Variants in TRPM3 observed in about 807,000 individuals in gnomAD.
The protein encoded by TRPM3 is long transient receptor potential channel 3.
A neutral mutation model predicts 181.2 loss-of-function variants in TRPM3; 77 were observed. The ratio of observed to expected loss-of-function variants is 0.42; its 90% CI spans 0.35 to 0.51. The LOEUF is 0.51. TRPM3 is among the 20% of genes least tolerant of loss of function. TRPM3 has a pLI of 0.01. For missense variants in TRPM3, 1,759 were observed against 2,196.7 expected (o/e 0.80, Z 3.98); for synonymous variants, 745 against 796.4 (o/e 0.94, Z 1.09).
At chr9:70,654,386 C>A (rs2059990756) in intron 9 of TRPM3, among the ~76,000 whole-genome samples, 1 of 151,924 alleles carries the variant, frequency 6.6e-6, no homozygotes, top group Admixed American at 6.6e-5. Context: ...AAATCCCCAA[C>A]AAAAAGTTAT....
At chr9:71,125,563 A>G (rs1455617113), upstream of TRPM3, among the ~76,000 whole-genome samples, 1 of 152,168 alleles carries the variant, frequency 6.6e-6, no homozygotes, top group Admixed American at 6.5e-5. Context: ...TCCATGGTGT[A>G]TATGTAGCAC....
chr9:70,621,296 C>T, intron 14 of TRPM3, 23 bp from the exon 15 acceptor site: 1 of 1,593,312 alleles, frequency 6.3e-7, no homozygotes, highest in Non-Finnish European at 8.6e-7. Context: ...ACGTTGTGAA[C>T]AAAGTTAGAT....
intron 1 of TRPM3, among the ~76,000 whole-genome samples, chr9:71,097,479 A>G (rs551720862): frequency 6.3e-4 from 96 of 152,188 alleles, no homozygotes; most frequent in Admixed American, 1.7e-3. Context: ...TACATTTTTT[A>G]GTTTAAAGGT....
intron 1 of TRPM3, among the ~76,000 whole-genome samples, chr9:71,308,425 A>G (rs1024050582): frequency 6.6e-6 from 1 of 152,186 alleles, no homozygotes; most frequent in Non-Finnish European, 1.5e-5. Context: ...TTAAACATCA[A>G]TTTGTGATTA....
chr9:70,905,820 GT>G (rs2096456920), intron 1 of TRPM3, among the ~76,000 whole-genome samples: 1 of 151,680 alleles, frequency 6.6e-6, no homozygotes, highest in Non-Finnish European at 1.5e-5. Context: ...GCAGCTCACT[GT>G]TTGCCTCAAC....
At chr9:71,271,519 T>C (rs918545140) in intron 1 of TRPM3, among the ~76,000 whole-genome samples, 1 of 151,950 alleles carries the variant, frequency 6.6e-6, no homozygotes, top group African/African-American at 2.4e-5. Flanking sequence ...TCTCAACCTG[T>C]GTGGTGGCTC....
chr9:70,933,191 T>A (rs1413007726), intron 1 of TRPM3, among the ~76,000 whole-genome samples: 1 of 152,058 alleles, frequency 6.6e-6, no homozygotes, highest in African/African-American at 2.4e-5. Context: ...GATATTAAGG[T>A]AGAGATATCT....
rs117207721 is a variant in TRPM3, at chr9:71,276,217, G to A, written c.183+170436C>T. 8.2e-3 allele frequency among the ~76,000 whole-genome samples: 1,245 copies of A among 152,166 alleles called. 8 individuals are homozygous for A. The highest frequency in any genetic ancestry group is 0.011 in the Non-Finnish European group (743 of 68,006). ...GTGGCAAAAAATCCCTTCGTCAACC[G>A]TACACACAAATCAATTCTTGATGAA... On this transcript the variant is annotated intron_variant, in intron 1 of 24. Coordinates refer to the TRPM3 transcript ENST00000357533.
At chr9:70,934,965 C>T (rs953328086) in intron 1 of TRPM3, among the ~76,000 whole-genome samples, 5 of 152,136 alleles carry the variant, frequency 3.3e-5, no homozygotes, top group Admixed American at 2.6e-4. Flanking sequence ...TCTAGAGGGC[C>T]TTTTCCATAG....
chr9:71,071,800 G>C (rs1409698164), intron 1 of TRPM3, among the ~76,000 whole-genome samples: 1 of 152,152 alleles, frequency 6.6e-6, no homozygotes, highest in African/African-American at 2.4e-5. Context: ...AATGTAAGTG[G>C]AGATACTAAT....
rs2063203658 is a variant in TRPM3 at position 70,618,986 on chromosome 9, A to C, written c.2239T>G (p.Cys747Gly). The change falls in exon 17 of 26, where the codon TGC becomes GGC. Residue 747 changes from cysteine to glycine, a missense_variant. By Grantham distance (159) the Cys-to-Gly change is radical (BLOSUM62 -3). Coordinates refer to ENST00000677713, the MANE Select transcript of TRPM3 (RefSeq NM_001366145.2). ...YELKNWSNATCLQLAVAAKHR... is the reference protein window; with the variant it reads ...YELKNWSNATGLQLAVAAKHR... ...TTGGCAGCCACGGCAAGCTGCAGGC[A>C]CGTGGCGTTGCTCCAGTTCTTCAGC... The C allele has an allele frequency of 6.2e-7, 1 of 1,614,092 alleles. No homozygotes were observed. The highest frequency in any genetic ancestry group is 8.5e-7 in the Non-Finnish European group (1 of 1,180,034).
chr9:71,010,547 T>C (rs781258204), intron 1 of TRPM3, among the ~76,000 whole-genome samples: 1 of 152,074 alleles, frequency 6.6e-6, no homozygotes, highest in African/African-American at 2.4e-5. Flanking sequence ...ATCAGGGAAA[T>C]GCAAATCACA....
intron 23 of TRPM3, 24 bp downstream of exon 23, chr9:70,553,136 A>T: frequency 6.2e-7 from 1 of 1,614,042 alleles, no homozygotes; most frequent in Non-Finnish European, 8.5e-7. Flanking sequence ...CATCCATCCC[A>T]CGTGCTCCAA....
At chr9:71,170,999 A>G (rs1009053778) in intron 1 of TRPM3, among the ~76,000 whole-genome samples, 29 of 150,554 alleles carry the variant, frequency 1.9e-4, no homozygotes, top group Non-Finnish European at 5.9e-5. Context: ...GAGAAAGAGA[A>G]TATGCGCCTG....
intron 1 of TRPM3, among the ~76,000 whole-genome samples, chr9:71,409,725 C>T (rs533519183): frequency 4.6e-5 from 7 of 152,200 alleles, no homozygotes; most frequent in African/African-American, 1.7e-4. Flanking sequence ...CAAGGATATC[C>T]AGGACTTGAA....
Position 71,349,880 on chromosome 9 carries a change from TG to T in TRPM3, c.183+96772del, listed in dbSNP as rs574069062. ...GAAGAAAAGTGATAACATGGAAGCC[TG>T]GGATCCATCACTCCATCATAATAGT... On this transcript the variant is annotated intron_variant, in intron 1 of 24. Transcript: ENST00000357533. 9.9e-4 allele frequency among the ~76,000 whole-genome samples: 150 copies of T among 151,788 alleles called. 1 individual carries two copies. The highest frequency in any genetic ancestry group is 3.5e-3 in the African/African-American group (145 of 41,338).
At chr9:71,125,297 A>G (rs632947), upstream of TRPM3, among the ~76,000 whole-genome samples, 71,769 of 151,990 alleles carry the variant, frequency 0.47, 17,062 homozygotes, top group South Asian at 0.5. Context: ...CTGCACTGTC[A>G]GCCCATCACC....
At chr9:71,174,787 G>C (rs2077027696) in intron 1 of TRPM3, among the ~76,000 whole-genome samples, 1 of 152,068 alleles carries the variant, frequency 6.6e-6, no homozygotes. Context: ...CAGGGTCAAA[G>C]GACATAAGGA....
intron 1 of TRPM3, among the ~76,000 whole-genome samples, chr9:71,408,163 T>C (rs1210837575): frequency 2.6e-5 from 4 of 151,962 alleles, no homozygotes; most frequent in South Asian, 4.2e-4. Context: ...AGCAGAAAAG[T>C]TGAAAATTCT....
Sources: allele counts gnomAD v4.1 joint callset (sites outside exome capture counted in the v4.1 genomes callset), GRCh38; gene constraint gnomAD v4.1.1; transcripts MANE v1.5; gene names NCBI Gene and HGNC (gene_info 2026-07-23, HGNC 2026-07-21).